Variants in PTPRD observed in about 807,000 individuals in gnomAD.
PTPRD encodes the protein receptor-type tyrosine-protein phosphatase delta.
PTPRD carries 34 observed loss-of-function variants against 214.5 expected under a neutral mutation model. The ratio of observed to expected loss-of-function variants is 0.16; its 90% CI spans 0.12 to 0.21. PTPRD has a LOEUF of 0.21. Among genes scored for constraint, PTPRD ranks in the 10% least tolerant of loss-of-function variants. The pLI, the probability that PTPRD is intolerant of heterozygous loss-of-function variation, is 1.00. For synonymous variants in PTPRD, 1,128 were observed against 845.7 expected (o/e 1.33, Z -5.79); for missense variants, 2,545 against 2,398.7 (o/e 1.06, Z -1.27).
At chr9:9,867,369 T>A (rs942641111) in intron 5 of PTPRD, among the ~76,000 whole-genome samples, 1 of 152,178 alleles carries the variant, frequency 6.6e-6, no homozygotes, top group East Asian at 1.9e-4. Context: ...TCTCAAATTA[T>A]GCCTCTTGTT....
intron 11 of PTPRD, among the ~76,000 whole-genome samples, chr9:8,744,492 T>C (rs1468932144): frequency 6.6e-6 from 1 of 152,234 alleles, no homozygotes; most frequent in Non-Finnish European, 1.5e-5. Context: ...ATAATGGCAT[T>C]TGCAGCAACA....
chr9:8,787,043 C>G (rs1166802915), intron 11 of PTPRD, among the ~76,000 whole-genome samples: 2 of 152,074 alleles, frequency 1.3e-5, no homozygotes, highest in Non-Finnish European at 2.9e-5. Flanking sequence ...ACGATGTTGC[C>G]TAGTCTGGTC....
chr9:9,835,850 T>C (rs2153617872), intron 5 of PTPRD, among the ~76,000 whole-genome samples: 1 of 152,242 alleles, frequency 6.6e-6, no homozygotes, highest in Non-Finnish European at 1.5e-5. Context: ...TAATCCCTTC[T>C]ATAATAATCT....
chr9:8,423,564 T>A (rs1161513058), intron 35 of PTPRD, among the ~76,000 whole-genome samples: 2 of 152,188 alleles, frequency 1.3e-5, no homozygotes, highest in Non-Finnish European at 2.9e-5. Context: ...TTATAAATCA[T>A]AATTTATTGT....
At chr9:8,342,129 C>T in intron 39 of PTPRD, 151 bp from the exon 40 acceptor site, 1 of 769,170 alleles carries the variant, frequency 1.3e-6, no homozygotes, top group East Asian at 2.8e-5. Flanking sequence ...ACTCTAAAGT[C>T]AAAAGTATTA....
chr9:9,518,023 C>T (rs1188768264), intron 8 of PTPRD, among the ~76,000 whole-genome samples: 1 of 151,990 alleles, frequency 6.6e-6, no homozygotes, highest in Admixed American at 6.6e-5. Context: ...CTATATTTCT[C>T]TATATTTACT....
At chr9:8,791,927 T>G (rs1453870334) in intron 11 of PTPRD, among the ~76,000 whole-genome samples, 4 of 152,122 alleles carry the variant, frequency 2.6e-5, no homozygotes, top group Admixed American at 6.5e-5. Context: ...CAGACCTTTA[T>G]CCTTCCCTGA....
At chr9:8,994,890 A>G (rs2099390670) in intron 11 of PTPRD, among the ~76,000 whole-genome samples, 1 of 152,088 alleles carries the variant, frequency 6.6e-6, no homozygotes, top group Non-Finnish European at 1.5e-5. Flanking sequence ...CTACTGCTCA[A>G]AATTAAGCTA....
chr9:9,967,713 T>C (rs543284199), intron 4 of PTPRD, among the ~76,000 whole-genome samples: 1 of 152,302 alleles, frequency 6.6e-6, no homozygotes, highest in African/African-American at 2.4e-5. Flanking sequence ...CAGTTTTGGT[T>C]TGCAATGTGC....
At chr9:9,026,774 A>T (rs954999103) in intron 10 of PTPRD, among the ~76,000 whole-genome samples, 1 of 151,930 alleles carries the variant, frequency 6.6e-6, no homozygotes, top group African/African-American at 2.4e-5. Context: ...CTTTATTTTC[A>T]TAAGAACTAT....
chr9:10,252,737 A>C (rs1184678350), intron 3 of PTPRD, among the ~76,000 whole-genome samples: 1 of 152,154 alleles, frequency 6.6e-6, no homozygotes, highest in East Asian at 1.9e-4. Context: ...AATATATTTC[A>C]GAATTAGTTT....
chr9:8,528,365 G>T (rs1490475271), intron 15 of PTPRD: 1 of 608,540 alleles, frequency 1.6e-6, no homozygotes, highest in Non-Finnish European at 2.9e-6. Context: ...TGAGCAATGT[G>T]GATTAAACAG....
chr9:8,462,489 T>C (rs1045796230), intron 32 of PTPRD, among the ~76,000 whole-genome samples: 2 of 152,022 alleles, frequency 1.3e-5, no homozygotes, highest in African/African-American at 4.8e-5. Context: ...AAATAAAACG[T>C]AGATAACTTA....
chr9:9,275,721 C>A (rs1048165164), intron 9 of PTPRD, among the ~76,000 whole-genome samples: 1 of 151,258 alleles, frequency 6.6e-6, no homozygotes, highest in African/African-American at 2.4e-5. Flanking sequence ...TCAAATGACT[C>A]ATCTGTGTCC....
intron 10 of PTPRD, among the ~76,000 whole-genome samples, chr9:9,022,062 G>T (rs1484256568): frequency 6.6e-6 from 1 of 151,822 alleles, no homozygotes; most frequent in South Asian, 2.1e-4. Flanking sequence ...CATAGGTGCA[G>T]CAGACCATCA....
At chr9:10,604,945 T>G (rs2078915880) in intron 2 of PTPRD, among the ~76,000 whole-genome samples, 1 of 151,878 alleles carries the variant, frequency 6.6e-6, no homozygotes, top group Non-Finnish European at 1.5e-5. Context: ...TGCTGAGTAG[T>G]ACTTTGATAA....
chr9:9,965,455 G>C (rs1233478698), intron 4 of PTPRD, among the ~76,000 whole-genome samples: 2 of 152,170 alleles, frequency 1.3e-5, no homozygotes, highest in African/African-American at 2.4e-5. Context: ...TAGAGCACTT[G>C]TCGGGGACAG....
At chr9:10,397,673 C>A (rs1339325729) in intron 2 of PTPRD, among the ~76,000 whole-genome samples, 4 of 151,904 alleles carry the variant, frequency 2.6e-5, no homozygotes, top group African/African-American at 9.7e-5. Context: ...GTTACTATTA[C>A]CTACGGTATT....
intron 11 of PTPRD, among the ~76,000 whole-genome samples, chr9:8,751,444 T>G (rs966063036): frequency 9.9e-5 from 15 of 152,172 alleles, no homozygotes; most frequent in African/African-American, 2.9e-4. Context: ...TTTAGGTTTC[T>G]GAAGTTTTGT....
Sources: gnomAD v4.1 joint callset for allele counts (sites outside exome capture counted in the v4.1 genomes callset) on GRCh38, gnomAD v4.1.1 for gene constraint, MANE v1.5 for transcripts, NCBI Gene and HGNC (gene_info 2026-07-23, HGNC 2026-07-21) for gene names.